ARHGAP39: variants seen among roughly 807,000 people sequenced by gnomAD.
ARHGAP39 encodes the protein rho GTPase-activating protein 39.
ARHGAP39 carries 44 observed loss-of-function variants against 106.9 expected under a neutral mutation model. That is an observed-to-expected ratio of 0.41 (90% CI 0.32 to 0.53). ARHGAP39 has a LOEUF of 0.53. Ranked by LOEUF, ARHGAP39 falls within the 20% of genes least tolerant of loss-of-function variation. The pLI is 0.21. For synonymous variants in ARHGAP39, 768 were observed against 693.2 expected (o/e 1.11, Z -1.69); for missense variants, 1,496 against 1,577.3 (o/e 0.95, Z 0.87).
chr8:144,686,127 T>A (rs1554615473), upstream of ARHGAP39, among the ~76,000 whole-genome samples: 1 of 152,016 alleles, frequency 6.6e-6, no homozygotes, highest in Non-Finnish European at 1.5e-5. Context: ...AGTTACCATC[T>A]GACACGTCTC....
At position 144,581,037 on chromosome 8, in the gene ARHGAP39, C is replaced by A. The variant is rs755596490; in HGVS notation, c.321G>T (p.Gln107His). Residue 107 changes from glutamine (Q) to histidine (H), a missense_variant, in exon 3 of 12, where the codon CAG becomes CAT. Transcript: ENST00000377307. ...GCDIIPLAKL[Q>H]TLKQNTESPR... The stretch of plus-strand genomic sequence containing the variant: ...GGGACTCCGTGTTCTGCTTCAGCGT[C>A]TGCAGCTTGGCCAGCGGGATGATGT... 1 of 1,585,254 alleles carries A rather than the reference C, an allele frequency of 6.3e-7. No homozygotes were observed. Among genetic ancestry groups the A allele is most frequent in the South Asian group, 1.1e-5 (1 of 87,670 alleles).
intron 1 of ARHGAP39, among the ~76,000 whole-genome samples, chr8:144,606,278 C>G (rs894221938): frequency 2.0e-5 from 3 of 152,208 alleles, no homozygotes; most frequent in Admixed American, 1.3e-4. Flanking sequence ...AAACACGGGT[C>G]TGAGCCAGGA....
Position 144,547,262 on chromosome 8 carries a change from C to A in ARHGAP39, c.1824G>T (p.Ala608=), listed in dbSNP as rs1288637655. The A allele has an allele frequency of 6.2e-7, 1 of 1,612,498 alleles. No individual in the cohort carries two copies. Among genetic ancestry groups the A allele is most frequent in the Admixed American group, 1.7e-5 (1 of 59,988 alleles). ...AGTGCCTGTTCTCCTGCTGGGCCAG[C>A]GCCTCGTCCTCGCTGAAGGCCCGCA... is the stretch of plus-strand genomic sequence containing the variant. ...PVVRAFSEDE[A]LAQQENRHWR... The change falls in exon 5 of 12, where the codon GCG becomes GCT. Residue 608 remains alanine (A), a synonymous_variant. Transcript: ENST00000377307. This position sits in a 1 kb window ranked among gnomAD's most constrained non-coding sequence, Gnocchi z 5.2.
chr8:144,600,988 G>A (rs1819886058), intron 2 of ARHGAP39, among the ~76,000 whole-genome samples: 1 of 143,470 alleles, frequency 7.0e-6, no homozygotes, highest in South Asian at 2.3e-4. Context: ...AGGTGTGTGT[G>A]CGAGCTCATG....
At chr8:144,577,792 A>G (rs1428379500) in intron 3 of ARHGAP39, among the ~76,000 whole-genome samples, 1 of 152,246 alleles carries the variant, frequency 6.6e-6, no homozygotes, top group Non-Finnish European at 1.5e-5. Context: ...AAAGAATAAC[A>G]TATCTAGGAA....
intron 2 of ARHGAP39, among the ~76,000 whole-genome samples, chr8:144,597,179 C>T (rs1819653899): frequency 2.0e-5 from 3 of 152,158 alleles, no homozygotes; most frequent in South Asian, 2.1e-4. Flanking sequence ...AGGGCTGTAA[C>T]GAGGGCTCAC....
intron 1 of ARHGAP39, among the ~76,000 whole-genome samples, chr8:144,620,171 G>A (rs1820761861): frequency 6.7e-6 from 1 of 148,200 alleles, no homozygotes; most frequent in Non-Finnish European, 1.5e-5. Flanking sequence ...ATGTGAGCTT[G>A]TGTGTCCCTG....
intron 1 of ARHGAP39, among the ~76,000 whole-genome samples, chr8:144,620,884 C>T (rs1586620735): frequency 6.6e-6 from 1 of 152,370 alleles, no homozygotes; most frequent in African/African-American, 2.4e-5. Context: ...CCTGAGGTGG[C>T]CACTGTGCCC....
In ARHGAP39 at chr8:144,547,563, G is replaced by A; in HGVS notation, c.1523C>T (p.Thr508Ile). ...CAGGTCCCCGGGGCCCTCAGTGGGG[G>A]TGGCGCTGGTGGCTTGGCACAAAGA... ...KPSLCQATSATPTEGPGDLLV... is the reference protein window; with the variant it reads ...KPSLCQATSAIPTEGPGDLLV... The change falls in exon 5 of 12, where the codon ACC (threonine) becomes ATC (isoleucine). Residue 508 changes from threonine to isoleucine, a missense_variant. Around this residue, in one of 4 missense-constraint regions of ARHGAP39, gnomAD observed 905 missense variants for 816.4 expected, o/e 1.11. Transcript: ENST00000377307. This position sits in a 1 kb window ranked among gnomAD's most constrained non-coding sequence, Gnocchi z 5.2. 2 of 1,471,110 alleles carry A rather than the reference G, an allele frequency of 1.4e-6. No homozygotes were observed. Among genetic ancestry groups the A allele is most frequent in the Non-Finnish European group, 1.8e-6 (2 of 1,113,560 alleles). 91.1% of individuals were successfully genotyped at this position (1,471,110 alleles called of 1,614,324 possible).
the ARHGAP39 span, among the ~76,000 whole-genome samples, chr8:144,694,943 A>G: frequency 1.3e-5 from 2 of 151,926 alleles, no homozygotes; most frequent in Non-Finnish European, 2.9e-5. Context: ...CATTTTTGCC[A>G]ATGTCATGAG....
chr8:144,587,642 G>A (rs1329291220), intron 2 of ARHGAP39, among the ~76,000 whole-genome samples: 1 of 151,828 alleles, frequency 6.6e-6, no homozygotes, highest in Non-Finnish European at 1.5e-5. Flanking sequence ...GGAAGAGTGA[G>A]GGGCAGAGAG....
In ARHGAP39 at chr8:144,677,047, C is replaced by A. The variant is rs968333415; in HGVS notation, c.-82+8639G>T. 7.2e-5 allele frequency among the ~76,000 whole-genome samples: 11 copies of A among 152,264 alleles called. 1 individual carries two copies. Among genetic ancestry groups the A allele is most frequent in the Admixed American group, 5.2e-4 (8 of 15,294 alleles). On this transcript the variant is annotated intron_variant, in intron 1 of 11. Coordinates refer to ENST00000377307, the MANE Select transcript of ARHGAP39 (RefSeq NM_025251.3). The stretch of plus-strand genomic sequence containing the variant: ...CCTCCCAAAGTGCTGGGATTAGAGG[C>A]CTGAGCCACCGTGCCTGGCCTGCAT...
intron 2 of ARHGAP39, among the ~76,000 whole-genome samples, chr8:144,600,939 G>A (rs1472960930): frequency 1.4e-5 from 2 of 146,558 alleles, no homozygotes; most frequent in African/African-American, 2.6e-5. Context: ...TGTGTGTGGA[G>A]GCATGTGTGT....
intron 1 of ARHGAP39, among the ~76,000 whole-genome samples, chr8:144,653,359 A>T (rs1474653455): frequency 6.6e-6 from 1 of 152,186 alleles, no homozygotes; most frequent in Admixed American, 6.5e-5. Flanking sequence ...GGCAAAACAC[A>T]CTAATAGGAA....
At chr8:144,554,210 G>A (rs1011346786) in intron 4 of ARHGAP39, among the ~76,000 whole-genome samples, 1 of 152,208 alleles carries the variant, frequency 6.6e-6, no homozygotes, top group Non-Finnish European at 1.5e-5. Flanking sequence ...GTGTCAGCTC[G>A]TGGGGCCAGA....
intron 1 of ARHGAP39, among the ~76,000 whole-genome samples, chr8:144,675,330 C>T (rs1406867306): frequency 1.3e-5 from 2 of 152,198 alleles, no homozygotes; most frequent in African/African-American, 4.8e-5. Context: ...CCTCCCGGTA[C>T]GCCACTGTGT....
intron 1 of ARHGAP39, among the ~76,000 whole-genome samples, chr8:144,675,237 T>C (rs1822202958): frequency 6.6e-6 from 1 of 152,088 alleles, no homozygotes; most frequent in African/African-American, 2.4e-5. Flanking sequence ...TTCTTTCACT[T>C]AGCATTTTTT....
At chr8:144,564,802 G>A (rs1211043307) in intron 3 of ARHGAP39, among the ~76,000 whole-genome samples, 1 of 146,924 alleles carries the variant, frequency 6.8e-6, no homozygotes, top group Non-Finnish European at 1.5e-5. Context: ...GCAACATAGT[G>A]AGATCTCTAA....
At chr8:144,551,380 A>G (rs546442211) in intron 4 of ARHGAP39, among the ~76,000 whole-genome samples, 1 of 152,302 alleles carries the variant, frequency 6.6e-6, no homozygotes, top group Admixed American at 6.5e-5. Flanking sequence ...ACCTGCCCAC[A>G]TGCCGATGAT....
Sources: gnomAD v4.1 joint callset for allele counts (sites outside exome capture counted in the v4.1 genomes callset) on GRCh38, gnomAD v4.1.1 for gene constraint, gnomAD v4.1.1 regional missense constraint, Gnocchi (gnomAD v3.1) non-coding constraint, MANE v1.5 for transcripts, NCBI Gene and HGNC (gene_info 2026-07-23, HGNC 2026-07-21) for gene names.